The following AKAP19 variants were observed in gnomAD, a reference collection of about 807,000 sequenced individuals.
The protein encoded by AKAP19 is A-kinase anchoring protein 19, also known as small A-kinase anchoring protein.
chr2:190,173,628 T>C, the AKAP19 span, among the ~76,000 whole-genome samples: 2 of 152,356 alleles, frequency 1.3e-5, no homozygotes, highest in African/African-American at 4.8e-5. Context: ...ATCTGACTTC[T>C]GGTTGAAAGG....
At chr2:190,181,468 G>A in the AKAP19 span, 2 of 152,362 alleles carry the variant, frequency 1.3e-5, no homozygotes, top group African/African-American at 4.8e-5. Flanking sequence ...CTTGTGCTCT[G>A]AATGGCATAT....
the AKAP19 span, among the ~76,000 whole-genome samples, chr2:189,961,267 T>G: frequency 6.6e-6 from 1 of 152,154 alleles, no homozygotes; most frequent in African/African-American, 2.4e-5. Context: ...CCCTGGGAAG[T>G]GGGTGGAGAG....
chr2:189,963,394 A>G, the AKAP19 span, among the ~76,000 whole-genome samples: 1 of 151,700 alleles, frequency 6.6e-6, no homozygotes, highest in African/African-American at 2.4e-5. Flanking sequence ...ACAGGGTTTC[A>G]CCTCGTCAGC....
chr2:189,942,060 C>A, the AKAP19 span, among the ~76,000 whole-genome samples: 2 of 152,078 alleles, frequency 1.3e-5, 1 homozygote, highest in Non-Finnish European at 2.9e-5. Context: ...TCAAAAGAGA[C>A]AAAGAGGGTC....
At chr2:189,950,232 T>G in the AKAP19 span, among the ~76,000 whole-genome samples, 3 of 151,394 alleles carry the variant, frequency 2.0e-5, no homozygotes, top group Non-Finnish European at 4.4e-5. Context: ...TTCACCATGT[T>G]GGCCAGGCTG....
At chr2:190,140,515 G>A in the AKAP19 span, among the ~76,000 whole-genome samples, 2 of 152,162 alleles carry the variant, frequency 1.3e-5, no homozygotes, top group Non-Finnish European at 2.9e-5. Context: ...CTTGACTTCT[G>A]TGCACCTGCA....
At chr2:190,103,614 C>A in the AKAP19 span, among the ~76,000 whole-genome samples, 1 of 152,124 alleles carries the variant, frequency 6.6e-6, no homozygotes, top group Non-Finnish European at 1.5e-5. Context: ...AAAATACCTA[C>A]GAATACATCT....
At chr2:190,102,083 C>G in the AKAP19 span, among the ~76,000 whole-genome samples, 8 of 152,132 alleles carry the variant, frequency 5.3e-5, no homozygotes, top group African/African-American at 1.9e-4. Context: ...AATTAAACAG[C>G]TTGCTCCTGA....
the AKAP19 span, among the ~76,000 whole-genome samples, chr2:189,907,343 C>T: frequency 1.3e-5 from 2 of 152,174 alleles, no homozygotes; most frequent in East Asian, 3.8e-4. Flanking sequence ...GTCAAGCATG[C>T]TCTTTTCTTT....
At chr2:190,060,214 C>T in the AKAP19 span, 1 of 1,613,104 alleles carries the variant, frequency 6.2e-7, no homozygotes. Context: ...ATACCAGTGC[C>T]TGGGTTCATG....
the AKAP19 span, among the ~76,000 whole-genome samples, chr2:190,144,186 GAAA>G: frequency 2.1e-5 from 3 of 145,324 alleles, no homozygotes; most frequent in Non-Finnish European, 4.5e-5. Flanking sequence ...GAAAAGAAAA[GAAA>G]AAAAATATTA....
the AKAP19 span, chr2:190,079,389 G>A: frequency 6.6e-6 from 1 of 152,240 alleles, no homozygotes; most frequent in Admixed American, 6.5e-5. Context: ...AAACCCACAA[G>A]TATCATAAGT....
the AKAP19 span, among the ~76,000 whole-genome samples, chr2:189,913,331 G>A: frequency 6.6e-6 from 1 of 151,860 alleles, no homozygotes; most frequent in Non-Finnish European, 1.5e-5. Flanking sequence ...ATTCTTTAAT[G>A]TTTTCATCAA....
chr2:189,979,946 G>A, the AKAP19 span, among the ~76,000 whole-genome samples: 1 of 152,158 alleles, frequency 6.6e-6, no homozygotes, highest in African/African-American at 2.4e-5. Context: ...GCAGTGAAAA[G>A]GGAACACTTA....
the AKAP19 span, among the ~76,000 whole-genome samples, chr2:189,954,197 T>TA: frequency 6.6e-6 from 1 of 152,350 alleles, no homozygotes; most frequent in East Asian, 1.9e-4. Flanking sequence ...GTGGCACACC[T>TA]ACTTTATCAG....
the AKAP19 span, chr2:190,062,784 C>T: frequency 1.7e-5 from 10 of 572,332 alleles, no homozygotes; most frequent in Non-Finnish European, 2.4e-5. Flanking sequence ...AGACAAGTGT[C>T]GTCAGGATCT....
chr2:190,113,083 A>G, the AKAP19 span, among the ~76,000 whole-genome samples: 17 of 152,054 alleles, frequency 1.1e-4, no homozygotes, highest in African/African-American at 3.6e-4. Context: ...CTAATTTACT[A>G]ACTTAAAATT....
the AKAP19 span, among the ~76,000 whole-genome samples, chr2:190,185,419 C>T: frequency 6.6e-6 from 1 of 152,178 alleles, no homozygotes; most frequent in Non-Finnish European, 1.5e-5. Flanking sequence ...GGCTTATCTA[C>T]CAACTTAACA....
chr2:190,112,603 T>C, the AKAP19 span, among the ~76,000 whole-genome samples: 3 of 152,196 alleles, frequency 2.0e-5, no homozygotes, highest in Non-Finnish European at 4.4e-5. Context: ...TTATTATATG[T>C]AGTTGTTGAA....
Sources: allele counts gnomAD v4.1 joint callset (sites outside exome capture counted in the v4.1 genomes callset), GRCh38; gene constraint gnomAD v4.1.1; transcripts MANE v1.5; gene names NCBI Gene and HGNC (gene_info 2026-07-23, HGNC 2026-07-21).